Variants in MAEA observed in about 807,000 individuals in gnomAD.
MAEA encodes E3 ubiquitin-protein transferase MAEA.
MAEA carries 22 observed loss-of-function variants against 46.2 expected under a neutral mutation model. The observed-to-expected ratio is 0.48, with a 90% CI of 0.34 to 0.68. The LOEUF is 0.68. MAEA is among the 30% of genes least tolerant of loss of function. The pLI, the probability that MAEA is intolerant of heterozygous loss-of-function variation, is 0.01. For synonymous variants in MAEA, 246 were observed against 222.6 expected, an observed-to-expected ratio of 1.11 and a Z score of -0.94; for missense variants, 393 against 558.1, an observed-to-expected ratio of 0.70 and a Z score of 2.98.
intron 1 of MAEA, among the ~76,000 whole-genome samples, chr4:1,293,736 G>A (rs1052905108): frequency 2.0e-5 from 3 of 152,196 alleles, no homozygotes. Flanking sequence ...GAGAAACACC[G>A]GGCTTGTGGT....
chr4:1,291,176 T>A (rs2141653), intron 1 of MAEA, among the ~76,000 whole-genome samples: 23,411 of 152,122 alleles, frequency 0.15, 3,471 homozygotes, highest in East Asian at 0.42. Flanking sequence ...TTCATATTTT[T>A]AAAAAGAAAC....
At chr4:1,300,497 C>G (rs1261795782) in intron 1 of MAEA, among the ~76,000 whole-genome samples, 2 of 152,260 alleles carry the variant, frequency 1.3e-5, no homozygotes, top group African/African-American at 4.8e-5. Flanking sequence ...ACTGACACTC[C>G]TGCCCGCTTG....
At chr4:1,290,732 C>G (rs1734021279) in intron 1 of MAEA, among the ~76,000 whole-genome samples, 1 of 152,238 alleles carries the variant, frequency 6.6e-6, no homozygotes, top group African/African-American at 2.4e-5. Context: ...CGTAGTTTCT[C>G]TCTCCTCCCA....
chr4:1,307,063 T>C (rs1286195312), intron 1 of MAEA, among the ~76,000 whole-genome samples: 1 of 152,248 alleles, frequency 6.6e-6, no homozygotes, highest in African/African-American at 2.4e-5. Flanking sequence ...TTCAGCACTC[T>C]AGCTTTATGA....
intron 1 of MAEA, among the ~76,000 whole-genome samples, chr4:1,294,965 C>T (rs1302823364): frequency 3.3e-5 from 5 of 152,134 alleles, no homozygotes; most frequent in African/African-American, 1.2e-4. Flanking sequence ...CACAGGCACA[C>T]AGCACCATTG....
At chr4:1,336,201 G>C (rs866894147) in intron 6 of MAEA, among the ~76,000 whole-genome samples, 6 of 150,772 alleles carry the variant, frequency 4.0e-5, no homozygotes, top group African/African-American at 1.2e-4. Context: ...TCCAGCACTC[G>C]TCCCGCAGAG....
chr4:1,292,099 G>A (rs888898737), intron 1 of MAEA, among the ~76,000 whole-genome samples: 6 of 152,218 alleles, frequency 3.9e-5, no homozygotes, highest in Non-Finnish European at 8.8e-5. Context: ...AGATGTCAGA[G>A]AAGGGACCGA....
At chr4:1,329,100 C>A (rs1011918737) in intron 5 of MAEA, 1 of 985,550 alleles carries the variant, frequency 1.0e-6, no homozygotes, top group African/African-American at 1.7e-5. Flanking sequence ...CACTGTCAGC[C>A]CTGGAGTCTG....
chr4:1,333,693 CG>C (rs1455884739), intron 6 of MAEA, among the ~76,000 whole-genome samples: 4 of 103,662 alleles, frequency 3.9e-5, no homozygotes, highest in Non-Finnish European at 4.2e-5. Context: ...CCATGCCCAC[CG>C]TGTGCTCACC....
intron 6 of MAEA, among the ~76,000 whole-genome samples, chr4:1,333,331 A>G (rs1712095090): frequency 6.6e-6 from 1 of 150,590 alleles, no homozygotes; most frequent in Non-Finnish European, 1.5e-5. Flanking sequence ...ACAGAGCAGG[A>G]CCTTGTCTCC....
intron 1 of MAEA, among the ~76,000 whole-genome samples, chr4:1,294,805 G>A (rs1734468710): frequency 6.8e-6 from 1 of 147,524 alleles, no homozygotes; most frequent in African/African-American, 2.5e-5. Context: ...ACGGGGGTGG[G>A]GCCGGGGGCA....
intron 1 of MAEA, among the ~76,000 whole-genome samples, chr4:1,308,249 A>C (rs992679599): frequency 6.6e-6 from 1 of 152,136 alleles, no homozygotes; most frequent in Admixed American, 6.5e-5. Context: ...GAAAAGGTGC[A>C]GTGAGAATGC....
In MAEA at chr4:1,338,812, C is replaced by T. The variant is rs538893863; in HGVS notation, c.1095+195C>T. On this transcript the variant is annotated intron_variant, in intron 8 of 8. Transcript: ENST00000303400. The stretch of plus-strand genomic sequence containing the variant: ...GGGCTGTGTGGGGCGGGCAGGGCAG[C>T]GGGGCCAGGCTGGCACACGTCGCCA... The T allele has an allele frequency of 2.7e-4, 175 of 640,734 alleles. No homozygotes were observed. In the African/African-American group the frequency reaches 2.9e-3, roughly 11 times the overall value. The allele number at this position is 640,734 out of a possible 1,614,324, so 39.7% of individuals were successfully genotyped here. A position where few individuals can be genotyped will look rare whatever the true frequency, so the allele number is the denominator to read the frequency against.
intron 2 of MAEA, 191 bp downstream of exon 2, chr4:1,312,352 C>T (rs1560348700): frequency 3.8e-5 from 23 of 612,326 alleles, no homozygotes; most frequent in South Asian, 2.1e-4. Context: ...CTGTAGGGAC[C>T]GTGTTGTCTT....
At chr4:1,303,567 G>A (rs1478993635) in intron 1 of MAEA, among the ~76,000 whole-genome samples, 1 of 152,142 alleles carries the variant, frequency 6.6e-6, no homozygotes, top group Non-Finnish European at 1.5e-5. Context: ...AACATGCTAA[G>A]TGAGAAAAGC....
At chr4:1,333,054 G>T (rs1388915819) in intron 6 of MAEA, among the ~76,000 whole-genome samples, 189 bp downstream of exon 6, 1 of 152,102 alleles carries the variant, frequency 6.6e-6, no homozygotes, top group Non-Finnish European at 1.5e-5. Context: ...TTTGAATCAG[G>T]GCTGTGTGTG....
chr4:1,325,342 G>T (rs973135283), intron 4 of MAEA, among the ~76,000 whole-genome samples: 10 of 152,236 alleles, frequency 6.6e-5, no homozygotes, highest in Non-Finnish European at 1.2e-4. Flanking sequence ...CAGTGTGGGC[G>T]CCTGTCGCAG....
rs370286519 is a variant in MAEA at position 1,335,687 on chromosome 4, G to A, written c.766-1174G>A. On this transcript the variant is annotated intron_variant, in intron 6 of 8. Transcript: ENST00000303400. ...GTTAAGTCAGCACTGGCCCCATGGC[G>A]TGTTGAAACCACAGAGTTAAGTCAG... The A allele has an allele frequency of 1.6e-5, 15 of 967,198 alleles. No individual in the cohort carries two copies. The East Asian group carries it at 3.6e-4, about 23-fold the overall frequency. The allele number at this position is 967,198 out of a possible 1,614,324, so 59.9% of individuals were successfully genotyped here.
At chr4:1,322,306 G>C (rs552473531) in intron 3 of MAEA, 75 bp from the exon 4 acceptor site, 1 of 1,585,646 alleles carries the variant, frequency 6.3e-7, no homozygotes, top group East Asian at 2.2e-5. Context: ...GCCTCATGGA[G>C]GCTGGGGTGT....
Sources: allele counts gnomAD v4.1 joint callset (sites outside exome capture counted in the v4.1 genomes callset), GRCh38; gene constraint gnomAD v4.1.1; transcripts MANE v1.5; gene names NCBI Gene and HGNC (gene_info 2026-07-23, HGNC 2026-07-21).